The following PPP2R2B variants were observed in gnomAD, a reference collection of about 807,000 sequenced individuals.
PPP2R2B encodes protein phosphatase 2 regulatory subunit Bbeta.
Under a neutral mutation model 46.0 loss-of-function variants are expected in PPP2R2B, and 5 were observed. The ratio of observed to expected loss-of-function variants is 0.11; its 90% CI spans 0.06 to 0.23. The LOEUF is 0.23. PPP2R2B is among the 10% of genes least tolerant of loss of function. PPP2R2B has a pLI of 1.00. For synonymous variants in PPP2R2B, 215 were observed against 206.7 expected (o/e 1.04, Z -0.34); for missense variants, 367 against 575.0 (o/e 0.64, Z 3.70).
chr5:146,616,758 T>C (rs374362403), intron 7 of PPP2R2B, among the ~76,000 whole-genome samples: 2 of 152,320 alleles, frequency 1.3e-5, no homozygotes, highest in East Asian at 3.9e-4. Context: ...GGAACACTTG[T>C]ACATTGTTGG....
chr5:146,722,458 C>T (rs1416419509), intron 2 of PPP2R2B, among the ~76,000 whole-genome samples: 1 of 152,172 alleles, frequency 6.6e-6, no homozygotes, highest in Non-Finnish European at 1.5e-5. Flanking sequence ...AACTCAATAG[C>T]TTTCTCAAAG....
chr5:147,005,295 T>G (rs1012690835), intron 1 of PPP2R2B, among the ~76,000 whole-genome samples: 1 of 152,196 alleles, frequency 6.6e-6, no homozygotes, highest in Non-Finnish European at 1.5e-5. Context: ...TATGCCATAG[T>G]TAGTGATGTA....
chr5:147,002,615 G>T (rs1424851236), intron 1 of PPP2R2B, among the ~76,000 whole-genome samples: 4 of 150,244 alleles, frequency 2.7e-5, no homozygotes, highest in Non-Finnish European at 4.4e-5. Context: ...TTTCGAGAAT[G>T]CATCAGTAAG....
chr5:146,735,096 C>CT (rs1752457932), intron 2 of PPP2R2B, among the ~76,000 whole-genome samples: 1 of 152,224 alleles, frequency 6.6e-6, no homozygotes, highest in Non-Finnish European at 1.5e-5. Flanking sequence ...GAACCGCGAT[C>CT]TTTTTTATTA....
intron 5 of PPP2R2B, among the ~76,000 whole-genome samples, chr5:146,666,089 T>C (rs183340593): frequency 2.0e-5 from 3 of 152,372 alleles, no homozygotes; most frequent in South Asian, 4.1e-4. Context: ...ACAATGTGAA[T>C]ATCTATCAAT....
rs985637569 is a variant in PPP2R2B, at chr5:146,582,686, C to T, written c.*7261G>A. 6.6e-6 allele frequency: 1 copy of T among 152,202 alleles called. No homozygotes were observed. The highest frequency in any genetic ancestry group is 2.4e-5 in the African/African-American group (1 of 41,452). The allele number at this position is 152,202 out of a possible 1,614,324, so 9.4% of individuals were successfully genotyped here. ...CACGTTTATTTGTTCATTCATTCAA[C>T]AAAACTTTTGAGCACCTACTATGAG... On this transcript the variant is annotated 3_prime_UTR_variant, in exon 10 of 10. Transcript: ENST00000394411.
intron 2 of PPP2R2B, among the ~76,000 whole-genome samples, chr5:146,811,557 A>ATT (rs1178978309): frequency 0.022 from 2,126 of 95,718 alleles, 49 homozygotes; most frequent in Non-Finnish European, 0.028. Context: ...TCAACTATGT[A>ATT]TTTTTTTTTT....
intron 1 of PPP2R2B, among the ~76,000 whole-genome samples, chr5:146,926,541 A>G (rs1212602105): frequency 6.6e-6 from 1 of 151,822 alleles, no homozygotes; most frequent in African/African-American, 2.4e-5. Flanking sequence ...ACAGGCTCCG[A>G]TTTTATTTTT....
intron 2 of PPP2R2B, among the ~76,000 whole-genome samples, chr5:146,865,446 A>G (rs976614271): frequency 1.3e-5 from 2 of 152,190 alleles, no homozygotes; most frequent in African/African-American, 4.8e-5. Context: ...AATTTTCATA[A>G]TGAACATGTA....
chr5:146,682,335 C>G (rs1348742340), intron 5 of PPP2R2B, among the ~76,000 whole-genome samples: 4 of 152,058 alleles, frequency 2.6e-5, no homozygotes, highest in African/African-American at 9.7e-5. Flanking sequence ...CTCCTAGTCT[C>G]TAGGTAAAAG....
rs545120320 is a variant in PPP2R2B at position 146,871,604 on chromosome 5, G to T, written c.70+6398C>A. Among the ~76,000 whole-genome samples, 3 of 152,316 alleles carry T rather than the reference G, an allele frequency of 2.0e-5. No individual in the cohort carries two copies. The South Asian group carries it at 6.2e-4, about 32-fold the overall frequency. The stretch of plus-strand genomic sequence containing the variant: ...TTCCTCCCTGTGGGATAATGGAAAA[G>T]GCCCAGAGACGTGCACTGCTGTGCT... On this transcript the variant is annotated intron_variant, in intron 2 of 9. Coordinates refer to ENST00000394411, the MANE Select transcript of PPP2R2B (RefSeq NM_181675.4).
At chr5:146,812,830 C>T (rs367272) in intron 2 of PPP2R2B, among the ~76,000 whole-genome samples, 2,069 of 23,380 alleles carry the variant, frequency 0.088, 168 homozygotes, top group East Asian at 0.16. Context: ...TATATATATA[C>T]ACACACATTT....
At chr5:146,852,866 TAG>T (rs1331405813) in intron 2 of PPP2R2B, among the ~76,000 whole-genome samples, 1 of 151,954 alleles carries the variant, frequency 6.6e-6, no homozygotes, top group Non-Finnish European at 1.5e-5. Context: ...GGAGGCAGAG[TAG>T]AGAGTATGTA....
At chr5:146,910,564 G>C (rs576627400) in intron 1 of PPP2R2B, among the ~76,000 whole-genome samples, 18 of 152,254 alleles carry the variant, frequency 1.2e-4, no homozygotes, top group Non-Finnish European at 2.5e-4. Flanking sequence ...CTGCAAAAGG[G>C]TGATGGTAAT....
chr5:147,012,872 C>T (rs1460035231), intron 1 of PPP2R2B, among the ~76,000 whole-genome samples: 1 of 152,082 alleles, frequency 6.6e-6, no homozygotes, highest in Admixed American at 6.6e-5. Flanking sequence ...TGTTCAGTTT[C>T]CATGCAGTTG....
intron 2 of PPP2R2B, among the ~76,000 whole-genome samples, chr5:146,812,508 C>CAGTATATATATAT (rs1319775846): frequency 4.8e-5 from 1 of 20,704 alleles, no homozygotes; most frequent in East Asian, 8.6e-4. Context: ...TATATATATA[C>CAGTATATATATAT]AGTATATATA....
chr5:147,000,748 A>G (rs1713447109), intron 1 of PPP2R2B, among the ~76,000 whole-genome samples: 1 of 151,676 alleles, frequency 6.6e-6, no homozygotes, highest in Admixed American at 6.6e-5. Context: ...TGATTGAGAT[A>G]ACACCCATAG....
At chr5:147,077,152 G>A (rs1046397846) in intron 2 of PPP2R2B, among the ~76,000 whole-genome samples, 38 of 131,466 alleles carry the variant, frequency 2.9e-4, no homozygotes, top group African/African-American at 1.2e-3. Context: ...GTATAATATT[G>A]TATATTGTAT....
intron 5 of PPP2R2B, among the ~76,000 whole-genome samples, chr5:146,686,908 T>C (rs1250441754): frequency 6.6e-6 from 1 of 151,788 alleles, no homozygotes; most frequent in East Asian, 1.9e-4. Flanking sequence ...CAGCGGGAGG[T>C]TGGGGAAGAA....
Sources: allele counts gnomAD v4.1 joint callset (sites outside exome capture counted in the v4.1 genomes callset), GRCh38; gene constraint gnomAD v4.1.1; transcripts MANE v1.5; gene names NCBI Gene and HGNC (gene_info 2026-07-23, HGNC 2026-07-21).